The following NID2 variants were observed in gnomAD, a reference collection of about 807,000 sequenced individuals.
The protein encoded by NID2 is nidogen-2.
A neutral mutation model predicts 145.4 loss-of-function variants in NID2; 83 were observed. The ratio of observed to expected loss-of-function variants is 0.57; its 90% CI spans 0.48 to 0.69. The LOEUF is 0.69. Among genes scored for constraint, NID2 ranks in the 30% least tolerant of loss-of-function variants. NID2 has a pLI of 0.00. For synonymous variants in NID2, 739 were observed against 701.3 expected (o/e 1.05, Z -0.85); for missense variants, 1,807 against 1,765.7 (o/e 1.02, Z -0.42).
intron 7 of NID2, among the ~76,000 whole-genome samples, chr14:52,041,734 C>T (rs758382098): frequency 1.3e-5 from 2 of 152,154 alleles, no homozygotes; most frequent in South Asian, 2.1e-4. Flanking sequence ...ACCCCTTCCC[C>T]ATGAAGTAAA....
chr14:52,019,862 G>T (rs981109166), intron 13 of NID2, among the ~76,000 whole-genome samples, 197 bp downstream of exon 13: 1 of 152,178 alleles, frequency 6.6e-6, no homozygotes, highest in African/African-American at 2.4e-5. Context: ...GTCGTCTCCC[G>T]CAGGCCTCCA....
chr14:52,018,887 A>G (rs1891306131), intron 14 of NID2, among the ~76,000 whole-genome samples, 174 bp downstream of exon 14: 1 of 152,224 alleles, frequency 6.6e-6, no homozygotes, highest in Admixed American at 6.5e-5. Flanking sequence ...GCATATCTCT[A>G]TGTCCTTATG....
intron 12 of NID2, among the ~76,000 whole-genome samples, chr14:52,022,518 A>T (rs1055782306): frequency 1.3e-5 from 2 of 152,138 alleles, no homozygotes; most frequent in African/African-American, 2.4e-5. Flanking sequence ...GAGGAACTTT[A>T]TTGGAGAAGG....
At chr14:52,012,720 TAATAAA>T (rs1457148993) in intron 16 of NID2, among the ~76,000 whole-genome samples, 1 of 151,886 alleles carries the variant, frequency 6.6e-6, no homozygotes, top group African/African-American at 2.4e-5. Context: ...TTTAAAAAAA[TAATAAA>T]AATAAAAAAA....
intron 2 of NID2, among the ~76,000 whole-genome samples, chr14:52,065,956 A>G (rs1432458840): frequency 3.4e-5 from 5 of 149,028 alleles, no homozygotes; most frequent in African/African-American, 5.0e-5. Context: ...ATAGTGCCGC[A>G]ATAAACATAC....
At position 52,014,308 on chromosome 14, in the gene NID2, A is replaced by G; in HGVS notation, c.3399T>C (p.Ala1133=). Residue 1133 remains alanine (A), a synonymous_variant, in exon 16 of 22, where the codon GCT becomes GCC. Coordinates refer to ENST00000216286, the MANE Select transcript of NID2 (RefSeq NM_007361.4). ...LNGTRLQKDA[A]KTLLSLHGSI... Reference sequence around the variant, plus strand: ...TTACATGCAGAGACAGCAGGGTCTTAGCTGCATCCTTCTGAAGCCTGGTGC... The same window carrying G: ...TTACATGCAGAGACAGCAGGGTCTTGGCTGCATCCTTCTGAAGCCTGGTGC... The G allele has an allele frequency of 6.2e-7, 1 of 1,614,250 alleles. No individual in the cohort carries two copies. The highest frequency in any genetic ancestry group is 8.5e-7 in the Non-Finnish European group (1 of 1,180,050).
At position 52,068,679 on chromosome 14, in the gene NID2, G is replaced by C. The variant is rs1016981086; in HGVS notation, c.228+88C>G. 1.5e-5 allele frequency: 18 copies of C among 1,235,052 alleles called. 1 individual carries two copies. In the African/African-American group the frequency reaches 2.6e-4, roughly 18 times the overall value. The allele number at this position is 1,235,052 out of a possible 1,614,324, so 76.5% of individuals were successfully genotyped here. A position where few individuals can be genotyped will look rare whatever the true frequency, so the allele number is the denominator to read the frequency against. Reference sequence around the variant, plus strand: ...CTGGGGGGCTCCAGGAGTGGGGTCTGTTTCCTCCCCTCTGGAGGCAGGGTT... The same window carrying C: ...CTGGGGGGCTCCAGGAGTGGGGTCTCTTTCCTCCCCTCTGGAGGCAGGGTT... On this transcript the variant is annotated intron_variant, in intron 1 of 21. Coordinates refer to ENST00000216286, the MANE Select transcript of NID2 (RefSeq NM_007361.4).
intron 9 of NID2, among the ~76,000 whole-genome samples, chr14:52,030,511 G>C (rs1177479851): frequency 8.8e-5 from 6 of 68,414 alleles, no homozygotes; most frequent in African/African-American, 3.4e-4. Flanking sequence ...GAGAAAGAAA[G>C]AAAGAAAAGA....
At chr14:52,039,632 A>G (rs970442105) in intron 8 of NID2, among the ~76,000 whole-genome samples, 8 of 152,152 alleles carry the variant, frequency 5.3e-5, no homozygotes, top group Admixed American at 3.9e-4. Flanking sequence ...AGCTCTCAGC[A>G]TAGGAGCAGC....
At chr14:52,064,973 T>G (rs182479561) in intron 2 of NID2, among the ~76,000 whole-genome samples, 1 of 152,364 alleles carries the variant, frequency 6.6e-6, no homozygotes, top group East Asian at 1.9e-4. Flanking sequence ...TAGTCCTCTA[T>G]GTCTCCCATC....
rs1229041311 is a variant in NID2, at chr14:52,015,034, G to A, written c.3250+20C>T. 4.4e-6 allele frequency: 7 copies of A among 1,595,856 alleles called. No individual in the cohort carries two copies. The highest frequency in any genetic ancestry group is 2.2e-5 in the South Asian group (2 of 89,346). ...GGCCTTAGATACAGCTGAGGGGAGC[G>A]GGGGCGGCCAGGTGCTTACACGCAG... is the stretch of plus-strand genomic sequence containing the variant. On this transcript the variant is annotated intron_variant, in intron 15 of 21. Coordinates refer to ENST00000216286, the MANE Select transcript of NID2 (RefSeq NM_007361.4).
chr14:52,011,766 C>T, intron 16 of NID2, 83 bp from the exon 17 acceptor site: 3 of 1,500,012 alleles, frequency 2.0e-6, no homozygotes, highest in Non-Finnish European at 1.8e-6. Context: ...TCATGCACAG[C>T]TGCAGTGAGC....
chr14:52,006,479 GGT>G lies in NID2; in HGVS notation c.4004+56_4004+57del, dbSNP rs1040716408. On this transcript the variant is annotated intron_variant, in intron 20 of 21. Transcript: ENST00000216286. Reference sequence around the variant, plus strand: ...GGTACTGACTTTTGGTAAAACAAGTGGTGTGTCCTCTGGAACAGTTGGCCTTT... The same window carrying G: ...GGTACTGACTTTTGGTAAAACAAGTGGTGTCCTCTGGAACAGTTGGCCTTT... The G allele has an allele frequency of 3.1e-5, 49 of 1,603,090 alleles. No individual in the cohort carries two copies. In the African/African-American group the frequency reaches 6.4e-4, roughly 21 times the overall value.
chr14:52,011,776 C>CAACA (rs1216282740), intron 16 of NID2, 93 bp from the exon 17 acceptor site: 2 of 1,390,236 alleles, frequency 1.4e-6, no homozygotes, highest in East Asian at 4.6e-5. Flanking sequence ...CTGCAGTGAG[C>CAACA]AACACTGCAC....
intron 12 of NID2, among the ~76,000 whole-genome samples, 169 bp downstream of exon 12, chr14:52,027,032 T>C (rs552711998): frequency 1.7e-4 from 26 of 152,322 alleles, no homozygotes; most frequent in African/African-American, 6.3e-4. Flanking sequence ...GAAATCACCC[T>C]TGGCTCCCCT....
intron 5 of NID2, among the ~76,000 whole-genome samples, chr14:52,044,549 C>T (rs992214074): frequency 2.0e-5 from 3 of 151,812 alleles, no homozygotes; most frequent in Non-Finnish European, 4.4e-5. Context: ...GGATAACAGG[C>T]GTGAGCCACC....
Position 52,006,531 on chromosome 14 carries a change from G to C in NID2, c.4004+6C>G. 6.2e-7 allele frequency: 1 copy of C among 1,613,354 alleles called. No homozygotes were observed. The highest frequency in any genetic ancestry group is 2.2e-5 in the East Asian group (1 of 44,854). ...TTCAGGCTTGTCCAGAATTTGTGGGGCTCACCTCCTCCAGTCTGTGTGGTA... is the reference window on the plus strand; with the variant it reads ...TTCAGGCTTGTCCAGAATTTGTGGGCCTCACCTCCTCCAGTCTGTGTGGTA... On this transcript the variant is annotated splice_donor_region_variant and intron_variant, in intron 20 of 21. Transcript: ENST00000216286.
intron 17 of NID2, 106 bp downstream of exon 17, chr14:52,011,448 T>C: frequency 7.0e-7 from 1 of 1,437,554 alleles, no homozygotes. Context: ...TGCCTAGAAC[T>C]TAACCTCCCC....
chr14:52,034,802 G>T (rs1318472479), intron 9 of NID2, among the ~76,000 whole-genome samples: 1 of 152,132 alleles, frequency 6.6e-6, no homozygotes. Context: ...GAGGAAGATG[G>T]TTTTTTTCTC....
Sources: gnomAD v4.1 joint callset for allele counts (sites outside exome capture counted in the v4.1 genomes callset) on GRCh38, gnomAD v4.1.1 for gene constraint, MANE v1.5 for transcripts, NCBI Gene and HGNC (gene_info 2026-07-23, HGNC 2026-07-21) for gene names.